RBFOX1: variants seen among roughly 807,000 people sequenced by gnomAD.
The protein encoded by RBFOX1 is RNA binding fox-1 homolog 1.
In RBFOX1, 8 loss-of-function variants were observed where a neutral mutation model predicts 57.7. The observed-to-expected ratio is 0.14, with a 90% CI of 0.08 to 0.25. RBFOX1 has a LOEUF of 0.25. Among genes scored for constraint, RBFOX1 ranks in the 10% least tolerant of loss-of-function variants. The pLI is 1.00. For missense variants in RBFOX1, 611 were observed against 548.5 expected, an observed-to-expected ratio of 1.11 and a Z score of -1.14; for synonymous variants, 326 against 222.4, an observed-to-expected ratio of 1.47 and a Z score of -4.15.
At chr16:6,045,108 C>T (rs1213149978) in intron 1 of RBFOX1, among the ~76,000 whole-genome samples, 3 of 152,150 alleles carry the variant, frequency 2.0e-5, no homozygotes, top group Admixed American at 2.0e-4. Context: ...TAAAGCAGGG[C>T]TTCTCAAATT....
chr16:5,483,621 A>G (rs780184538), intron 2 of RBFOX1, among the ~76,000 whole-genome samples: 20 of 152,120 alleles, frequency 1.3e-4, no homozygotes, highest in South Asian at 2.1e-4. Flanking sequence ...GGATATGCCA[A>G]TTTGTCTTTT....
chr16:6,025,927 G>C (rs2095183386), intron 1 of RBFOX1, among the ~76,000 whole-genome samples: 1 of 152,284 alleles, frequency 6.6e-6, no homozygotes, highest in Non-Finnish European at 1.5e-5. Flanking sequence ...AGTGTACATG[G>C]ATTGAACTCT....
intron 4 of RBFOX1, among the ~76,000 whole-genome samples, chr16:5,976,359 A>G (rs2060063251): frequency 6.6e-6 from 1 of 152,170 alleles, no homozygotes; most frequent in Admixed American, 6.5e-5. Context: ...CTTAGTCTCT[A>G]AAATGTTACA....
chr16:6,022,875 A>G (rs1325774894), intron 1 of RBFOX1, among the ~76,000 whole-genome samples: 4 of 152,322 alleles, frequency 2.6e-5, no homozygotes, highest in African/African-American at 7.2e-5. Flanking sequence ...AGAACACAAC[A>G]TGGGCTGTAC....
chr16:6,483,312 G>T lies in RBFOX1; in HGVS notation c.-64+166255G>T, dbSNP rs528721123. The stretch of plus-strand genomic sequence containing the variant: ...GGGCTGCTCGCTCTCGCGCCCGCGC[G>T]CTCGGGGCGTTCTGCACCTGCTGGC... On this transcript the variant is annotated intron_variant, in intron 2 of 15. Transcript: ENST00000550418. The T allele has an allele frequency of 7.9e-5, 112 of 1,415,364 alleles. 1 individual carries two copies. In the Admixed American group the frequency reaches 1.7e-3, roughly 21 times the overall value. The allele number at this position is 1,415,364 out of a possible 1,614,324, so 87.7% of individuals were successfully genotyped here. A position where few individuals can be genotyped will look rare whatever the true frequency, so the allele number is the denominator to read the frequency against.
At chr16:7,354,569 C>T (rs781609034) in intron 4 of RBFOX1, among the ~76,000 whole-genome samples, 25 of 152,168 alleles carry the variant, frequency 1.6e-4, no homozygotes, top group Non-Finnish European at 2.9e-4. Flanking sequence ...TTTTCAAAGG[C>T]CACCAATGTG....
intron 2 of RBFOX1, among the ~76,000 whole-genome samples, chr16:6,447,057 C>G (rs2094498748): frequency 6.6e-6 from 1 of 152,178 alleles, no homozygotes; most frequent in Non-Finnish European, 1.5e-5. Context: ...AAACGCAAGT[C>G]ACATTCCTTT....
intron 4 of RBFOX1, among the ~76,000 whole-genome samples, chr16:5,929,316 C>G (rs1305604904): frequency 7.0e-6 from 1 of 142,270 alleles, no homozygotes; most frequent in East Asian, 2.0e-4. Flanking sequence ...AGTCTTAAGC[C>G]TCTCTCTCTC....
intron 4 of RBFOX1, among the ~76,000 whole-genome samples, chr16:7,331,768 G>T (rs1345872069): frequency 6.6e-6 from 1 of 152,050 alleles, no homozygotes; most frequent in Non-Finnish European, 1.5e-5. Context: ...TGATTATACT[G>T]ACACCCAAGT....
intron 3 of RBFOX1, among the ~76,000 whole-genome samples, chr16:5,641,481 A>G (rs552560252): frequency 5.9e-5 from 9 of 152,364 alleles, no homozygotes; most frequent in Middle Eastern, 3.4e-3. Context: ...AAGGGTAAGT[A>G]GAAAGGCCTC....
chr16:5,790,373 C>T (rs951161474), intron 3 of RBFOX1, among the ~76,000 whole-genome samples: 7 of 152,090 alleles, frequency 4.6e-5, no homozygotes, highest in South Asian at 4.1e-4. Flanking sequence ...GTGCAGAGAC[C>T]GTACAGAGAA....
At chr16:5,320,892 C>T (rs997772502) in intron 1 of RBFOX1, among the ~76,000 whole-genome samples, 1 of 152,210 alleles carries the variant, frequency 6.6e-6, no homozygotes, top group African/African-American at 2.4e-5. Flanking sequence ...ATTCTGTCTC[C>T]TGCTGTTGCC....
chr16:6,733,560 A>G (rs1265080492), intron 3 of RBFOX1, among the ~76,000 whole-genome samples: 1 of 152,200 alleles, frequency 6.6e-6, no homozygotes, highest in Non-Finnish European at 1.5e-5. Flanking sequence ...GCAAATATAA[A>G]TAATGGTTGT....
chr16:7,456,882 A>G (rs911239522), intron 4 of RBFOX1, among the ~76,000 whole-genome samples: 2 of 148,950 alleles, frequency 1.3e-5, no homozygotes, highest in African/African-American at 4.9e-5. Context: ...TCCACTCGGA[A>G]GGTGTACTTT....
chr16:5,733,150 G>A (rs2052444380), intron 3 of RBFOX1, among the ~76,000 whole-genome samples: 1 of 152,146 alleles, frequency 6.6e-6, no homozygotes, highest in Non-Finnish European at 1.5e-5. Context: ...AGTCAGTCTG[G>A]TATACTGTTG....
At chr16:5,994,646 G>A (rs1322281743) in intron 4 of RBFOX1, among the ~76,000 whole-genome samples, 1 of 152,112 alleles carries the variant, frequency 6.6e-6, no homozygotes, top group East Asian at 1.9e-4. Context: ...CTCTGCAGTG[G>A]GAAAACAGTC....
rs1441874508 is a variant in RBFOX1 at position 7,404,323 on chromosome 16, G to T, written c.28-113824G>T. Reference sequence around the variant, plus strand: ...CTGCCTCAGCCTCCCAAAGTGCTGGGATTCCAGGCATAAGCCACCGTGCCC... The same window carrying T: ...CTGCCTCAGCCTCCCAAAGTGCTGGTATTCCAGGCATAAGCCACCGTGCCC... On this transcript the variant is annotated intron_variant, in intron 4 of 15. Transcript: ENST00000550418. 5.3e-5 allele frequency among the ~76,000 whole-genome samples: 8 copies of T among 152,252 alleles called. No homozygotes were observed. In the East Asian group the frequency reaches 1.5e-3, roughly 29 times the overall value.
intron 2 of RBFOX1, among the ~76,000 whole-genome samples, chr16:6,407,197 C>T (rs889253118): frequency 2.0e-5 from 3 of 152,078 alleles, no homozygotes; most frequent in African/African-American, 7.2e-5. Flanking sequence ...GTCTATACAT[C>T]TATAACTATA....
intron 3 of RBFOX1, among the ~76,000 whole-genome samples, chr16:6,697,267 C>G (rs1258217885): frequency 6.6e-6 from 1 of 152,084 alleles, no homozygotes; most frequent in Non-Finnish European, 1.5e-5. Flanking sequence ...TTTTCTGCAT[C>G]TTAAGTCCTT....
Sources: allele counts gnomAD v4.1 joint callset (sites outside exome capture counted in the v4.1 genomes callset), GRCh38; gene constraint gnomAD v4.1.1; transcripts MANE v1.5; gene names NCBI Gene and HGNC (gene_info 2026-07-23, HGNC 2026-07-21).